LAMP2: variants seen among roughly 807,000 people sequenced by gnomAD.
LAMP2 encodes the protein lysosome-associated membrane glycoprotein 2.
In LAMP2, 4 loss-of-function variants were observed where a neutral mutation model predicts 25.6. The observed-to-expected ratio is 0.16, with a 90% CI of 0.08 to 0.36. LAMP2 has a LOEUF of 0.36. LAMP2 is among the 10% of genes least tolerant of loss of function. LAMP2 has a pLI of 1.00. For missense variants in LAMP2, 272 were observed against 301.4 expected (o/e 0.90, Z 0.72); for synonymous variants, 108 against 112.7 (o/e 0.96, Z 0.27).
At chrX:120,439,265 G>A in intron 8 of LAMP2, 1 of 1,209,522 alleles carries the variant, frequency 8.3e-7, no homozygotes, top group Non-Finnish European at 1.1e-6. Context: ...GGATTAGAAT[G>A]GTGTCATCAT....
chrX:120,431,716 A>G (rs1317396499), intron 8 of LAMP2, among the ~76,000 whole-genome samples: 1 of 112,761 alleles, frequency 8.9e-6, no homozygotes, highest in Non-Finnish European at 1.9e-5. Context: ...ACATGGTCAC[A>G]TAGTTCCCAG....
At chrX:120,436,486 T>C in intron 8 of LAMP2, 1 of 740,403 alleles carries the variant, frequency 1.4e-6, no homozygotes, top group Non-Finnish European at 1.6e-6. Flanking sequence ...GGAAAAAAGG[T>C]AAGCAAATTG....
chrX:120,429,669 A>G lies in LAMP2; in HGVS notation c.*1654T>C, dbSNP rs1203950659. On this transcript the variant is annotated 3_prime_UTR_variant, in exon 9 of 9. Transcript: ENST00000200639. The stretch of plus-strand genomic sequence containing the variant: ...ATAGTACGGAAGCCCAAAGTGCCCA[A>G]TTCTGATCTCATAATTTCAAGTGTA... 4 of 751,418 alleles carry G rather than the reference A, an allele frequency of 5.3e-6. No individual in the cohort carries two copies. The highest frequency in any genetic ancestry group is 6.3e-6 in the Non-Finnish European group (4 of 638,751). The allele number at this position is 751,418 out of a possible 1,213,427, so 61.9% of individuals were successfully genotyped here.
At chrX:120,467,371 C>T (rs973472757) in intron 1 of LAMP2, among the ~76,000 whole-genome samples, 8 of 111,570 alleles carry the variant, frequency 7.2e-5, no homozygotes, top group African/African-American at 2.3e-4. Context: ...TTGGCCTCTA[C>T]CCACTAGATG....
At chrX:120,436,912 GCATT>G (rs2058547392) in intron 8 of LAMP2, 1 of 745,217 alleles carries the variant, frequency 1.3e-6, no homozygotes, top group South Asian at 6.8e-5. Flanking sequence ...AATATTAACA[GCATT>G]CAGTCAGTGC....
intron 1 of LAMP2, among the ~76,000 whole-genome samples, chrX:120,467,660 T>C (rs987388787): frequency 8.0e-5 from 9 of 112,420 alleles, no homozygotes; most frequent in Non-Finnish European, 1.5e-4. Context: ...AGAGACACTT[T>C]AGTCAAAGTT....
chrX:120,449,045 T>C lies in LAMP2; in HGVS notation c.481A>G (p.Lys161Glu). 1 of 1,207,119 alleles carries C rather than the reference T, an allele frequency of 8.3e-7. No individual in the cohort carries two copies. Among genetic ancestry groups the C allele is most frequent in the Non-Finnish European group, 1.1e-6 (1 of 891,235 alleles). ...FRCNSLSTLE[K>E]NDVVQHYWDV... ...CAGTAGTGTTGGACAACATCATTCT[T>C]TTCCAAAGTTGATAAACTATTGCAT... The change falls in exon 4 of 9, where the codon AAG becomes GAG. Residue 161 changes from lysine to glutamate, a missense_variant. Physicochemically the swap from Lys to Glu is moderately conservative, Grantham distance 56. Transcript: ENST00000200639.
At chrX:120,432,445 T>C (rs1257029449) in intron 8 of LAMP2, among the ~76,000 whole-genome samples, 2 of 111,253 alleles carry the variant, frequency 1.8e-5, no homozygotes, top group South Asian at 3.8e-4. Context: ...AGGATTTCAT[T>C]TCAGAAGTTA....
At chrX:120,445,383 T>C (rs1158745980) in intron 6 of LAMP2, among the ~76,000 whole-genome samples, 1 of 112,763 alleles carries the variant, frequency 8.9e-6, no homozygotes, top group Non-Finnish European at 1.9e-5. Flanking sequence ...AAAAATGTGC[T>C]TTAGACTCAA....
At position 120,445,729 on chromosome X, in the gene LAMP2, C is replaced by T. The variant is rs42891; in HGVS notation, c.864+576G>A. Among the ~76,000 whole-genome samples, 1,885 of 111,969 alleles carry T rather than the reference C, an allele frequency of 0.017. 85 individuals carry two copies. In the East Asian group the frequency reaches 0.17, roughly 10 times the overall value. On this transcript the variant is annotated intron_variant, in intron 6 of 8. Transcript: ENST00000200639. Reference sequence around the variant, plus strand: ...AAGAAGTAGAACAGGTATGCTTAACCCAAAACCTTCTGTTTAGGTTTCAGC... The same window carrying T: ...AAGAAGTAGAACAGGTATGCTTAACTCAAAACCTTCTGTTTAGGTTTCAGC...
At chrX:120,448,359 G>A (rs1423159888) in intron 4 of LAMP2, among the ~76,000 whole-genome samples, 1 of 112,138 alleles carries the variant, frequency 8.9e-6, no homozygotes, top group Non-Finnish European at 1.9e-5. Flanking sequence ...GAAATTCAGA[G>A]AGTTAAGTCT....
chrX:120,449,202 G>C lies in LAMP2; in HGVS notation c.398-74C>G. The C allele has an allele frequency of 1.3e-5, 11 of 850,536 alleles. No individual in the cohort carries two copies. In the South Asian group the frequency reaches 2.3e-4, roughly 18 times the overall value. The allele number at this position is 850,536 out of a possible 1,213,427, so 70.1% of individuals were successfully genotyped here. ...GTGATAATATAAATATATTTGTATAGGCTTTCTTCTTCTCTCTGCCTGCCC... is the reference window on the plus strand; with the variant it reads ...GTGATAATATAAATATATTTGTATACGCTTTCTTCTTCTCTCTGCCTGCCC... On this transcript the variant is annotated intron_variant, in intron 3 of 8. Coordinates refer to ENST00000200639, the MANE Select transcript of LAMP2 (RefSeq NM_002294.3).
intron 8 of LAMP2, chrX:120,436,616 A>G: frequency 1.3e-6 from 1 of 742,220 alleles, no homozygotes; most frequent in Non-Finnish European, 1.6e-6. Context: ...AAAACATGGA[A>G]AGTATTTACA....
intron 3 of LAMP2, among the ~76,000 whole-genome samples, chrX:120,455,065 G>A (rs1157137806): frequency 1.8e-4 from 18 of 100,599 alleles, no homozygotes; most frequent in African/African-American, 6.2e-4. Context: ...ACATATATAT[G>A]TATATATATA....
intron 6 of LAMP2, 90 bp downstream of exon 6, chrX:120,446,215 C>G: frequency 1.1e-6 from 1 of 869,579 alleles, no homozygotes; most frequent in East Asian, 3.1e-5. Flanking sequence ...GAAAATAAAG[C>G]TAAATACCCC....
At chrX:120,449,399 GAGGTC>G (rs1486874788) in intron 3 of LAMP2, among the ~76,000 whole-genome samples, 1 of 112,280 alleles carries the variant, frequency 8.9e-6, no homozygotes, top group Non-Finnish European at 1.9e-5. Flanking sequence ...TGGATCACCT[GAGGTC>G]AGGAGTTTGA....
At chrX:120,462,415 G>A (rs1234516440) in intron 1 of LAMP2, among the ~76,000 whole-genome samples, 16 of 107,545 alleles carry the variant, frequency 1.5e-4, no homozygotes, top group African/African-American at 5.4e-4. Context: ...TCAACTACTC[G>A]GGAGGCTGAC....
intron 8 of LAMP2, among the ~76,000 whole-genome samples, chrX:120,440,493 T>C (rs777731252): frequency 1.9e-4 from 21 of 112,273 alleles, no homozygotes; most frequent in African/African-American, 4.9e-4. Context: ...ATACATTCAA[T>C]ATCAGTATTA....
intron 1 of LAMP2, among the ~76,000 whole-genome samples, chrX:120,463,674 A>C (rs763633148): frequency 3.2e-4 from 36 of 112,051 alleles, no homozygotes; most frequent in Non-Finnish European, 5.6e-4. Context: ...GATATAGGGG[A>C]AGAAAGCTGT....
Sources: gnomAD v4.1 joint callset for allele counts (sites outside exome capture counted in the v4.1 genomes callset) on GRCh38, gnomAD v4.1.1 for gene constraint, MANE v1.5 for transcripts, NCBI Gene and HGNC (gene_info 2026-07-23, HGNC 2026-07-21) for gene names.